SOX6: variants seen among roughly 807,000 people sequenced by gnomAD.
SOX6 encodes transcription factor SOX-6.
A neutral mutation model predicts 97.8 loss-of-function variants in SOX6; 11 were observed. The observed-to-expected ratio is 0.11, with a 90% CI of 0.07 to 0.19. The LOEUF (loss-of-function observed/expected upper bound fraction) is 0.19. Among genes scored for constraint, SOX6 ranks in the 10% least tolerant of loss-of-function variants. The pLI, the probability that SOX6 is intolerant of heterozygous loss-of-function variation, is 1.00. For missense variants in SOX6, 810 were observed against 1,039.5 expected, an observed-to-expected ratio of 0.78 and a Z score of 3.04; for synonymous variants, 360 against 371.4, an observed-to-expected ratio of 0.97 and a Z score of 0.35.
At chr11:16,369,267 T>A (rs1161770207) in intron 1 of SOX6, among the ~76,000 whole-genome samples, 1 of 152,126 alleles carries the variant, frequency 6.6e-6, no homozygotes, top group East Asian at 1.9e-4. Context: ...TTCAAGTAAT[T>A]CCTCAAATGT....
intron 4 of SOX6, among the ~76,000 whole-genome samples, chr11:16,521,938 T>A (rs1861072044): frequency 6.6e-6 from 1 of 151,884 alleles, no homozygotes; most frequent in Non-Finnish European, 1.5e-5. Context: ...AAAAAAAGAA[T>A]AAGAACAAAT....
intron 12 of SOX6, among the ~76,000 whole-genome samples, chr11:16,017,357 TTG>T (rs1452145718): frequency 6.6e-6 from 1 of 152,072 alleles, no homozygotes; most frequent in Non-Finnish European, 1.5e-5. Flanking sequence ...CATGAAACAC[TTG>T]TTAAATAGGA....
At chr11:16,430,685 G>C (rs541419946) in intron 1 of SOX6, among the ~76,000 whole-genome samples, 6 of 152,118 alleles carry the variant, frequency 3.9e-5, no homozygotes, top group South Asian at 2.1e-4. Flanking sequence ...CCAGCCTCCA[G>C]AACTGTGAAA....
intron 3 of SOX6, among the ~76,000 whole-genome samples, chr11:16,660,448 T>C (rs1360217394): frequency 6.6e-6 from 1 of 152,234 alleles, no homozygotes; most frequent in East Asian, 1.9e-4. Context: ...TACTGTGGTC[T>C]GAGAGCATGT....
rs146352659 is a variant in SOX6, at chr11:16,549,136, G to A, written n.609+62945C>T. 1.8e-3 allele frequency among the ~76,000 whole-genome samples: 280 copies of A among 152,216 alleles called. 1 individual carries two copies. Among genetic ancestry groups the A allele is most frequent in the African/African-American group, 5.0e-3 (209 of 41,540 alleles). ...GAAAAGCACATTTAAAACTTAATGA[G>A]ATACAGTACTAATAGAAGTCTACCA... On this transcript the variant is annotated intron_variant and non_coding_transcript_variant, in intron 4 of 5. Coordinates refer to the SOX6 transcript ENST00000524520.
rs1024828112 is a variant in SOX6 at position 16,613,660 on chromosome 11, C to T, written n.430-1400G>A. 6.6e-6 allele frequency among the ~76,000 whole-genome samples: 1 copy of T among 152,160 alleles called. No homozygotes were observed. The highest frequency in any genetic ancestry group is 1.5e-5 in the Non-Finnish European group (1 of 68,022). On this transcript the variant is annotated intron_variant and non_coding_transcript_variant, in intron 3 of 5. Coordinates refer to the SOX6 transcript ENST00000524520. The surrounding 1 kb of genome is among the most constrained non-coding windows in gnomAD (Gnocchi z 4.6). ...ACACGCACGCACACACACAGACACG[C>T]GCGTATTCTGAAATTCTGGCCGAAC...
At chr11:16,437,190 C>T (rs1028297789) in intron 1 of SOX6, among the ~76,000 whole-genome samples, 8 of 151,784 alleles carry the variant, frequency 5.3e-5, no homozygotes, top group Non-Finnish European at 1.0e-4. Context: ...GGTGGACTGA[C>T]CCCAAGAGCT....
intron 9 of SOX6, among the ~76,000 whole-genome samples, chr11:16,057,292 T>C (rs1322633334): frequency 6.6e-6 from 1 of 152,224 alleles, no homozygotes; most frequent in Non-Finnish European, 1.5e-5. Flanking sequence ...TACTGTTTTA[T>C]ATTATTTTAT....
intron 4 of SOX6, among the ~76,000 whole-genome samples, chr11:16,554,196 T>C (rs1847725987): frequency 6.6e-6 from 1 of 152,182 alleles, no homozygotes; most frequent in Non-Finnish European, 1.5e-5. Context: ...TGAGTCACTG[T>C]GAACTAATAA....
rs1363615794 is a variant in SOX6, at chr11:15,969,294, A to G, written c.*3515T>C. 2.0e-5 allele frequency: 3 copies of G among 152,178 alleles called. No individual in the cohort carries two copies. Among genetic ancestry groups the G allele is most frequent in the African/African-American group, 4.8e-5 (2 of 41,448 alleles). 9.4% of individuals were successfully genotyped at this position (152,178 alleles called of 1,614,324 possible). Reference sequence around the variant, plus strand: ...GACGTTTATTAACGGCCGATCTCAGAGGTGGATTTTTGCCTTTGTAGTGGC... The same window carrying G: ...GACGTTTATTAACGGCCGATCTCAGGGGTGGATTTTTGCCTTTGTAGTGGC... On this transcript the variant is annotated 3_prime_UTR_variant, in exon 16 of 16. Coordinates refer to ENST00000683767, the MANE Select transcript of SOX6 (RefSeq NM_001367873.1).
In SOX6 at chr11:16,293,681, T is replaced by C. The variant is rs80046463; in HGVS notation, c.445+24765A>G. Among the ~76,000 whole-genome samples, 1,164 of 152,168 alleles carry C rather than the reference T, an allele frequency of 7.6e-3. 14 individuals carry two copies. The highest frequency in any genetic ancestry group is 0.027 in the African/African-American group (1,109 of 41,518). On this transcript the variant is annotated intron_variant, in intron 3 of 15. Coordinates refer to ENST00000683767, the MANE Select transcript of SOX6 (RefSeq NM_001367873.1). Reference sequence around the variant, plus strand: ...AGAATTGTATTACAAAAGAAAAGAATAGAGATGTGACTTTTACAGGTCTAA... The same window carrying C: ...AGAATTGTATTACAAAAGAAAAGAACAGAGATGTGACTTTTACAGGTCTAA...
intron 1 of SOX6, among the ~76,000 whole-genome samples, chr11:16,349,552 G>A (rs1856857073): frequency 6.6e-6 from 1 of 151,946 alleles, no homozygotes; most frequent in African/African-American, 2.4e-5. Context: ...GGAGGTGGAG[G>A]TTGCAGTGAG....
At chr11:16,561,260 T>TCA (rs1357379102) in intron 4 of SOX6, among the ~76,000 whole-genome samples, 2 of 152,182 alleles carry the variant, frequency 1.3e-5, no homozygotes, top group East Asian at 3.9e-4. Flanking sequence ...ACCCTCCTGA[T>TCA]GGAGGGTAGA....
intron 4 of SOX6, chr11:16,484,633 C>G: frequency 1.5e-6 from 1 of 656,814 alleles, no homozygotes; most frequent in South Asian, 1.6e-5. Flanking sequence ...CCAGGATGGA[C>G]ATCCTGGCAC....
chr11:16,221,165 T>C (rs1036289044), intron 4 of SOX6, among the ~76,000 whole-genome samples: 3 of 152,102 alleles, frequency 2.0e-5, no homozygotes, highest in African/African-American at 7.2e-5. Flanking sequence ...TGCTAAGACA[T>C]TATTTGCATG....
At chr11:16,340,008 A>C (rs966736629) in intron 2 of SOX6, among the ~76,000 whole-genome samples, 1 of 152,066 alleles carries the variant, frequency 6.6e-6, no homozygotes, top group Non-Finnish European at 1.5e-5. Context: ...CTTCTCACCT[A>C]CTGTTTCAGA....
intron 3 of SOX6, among the ~76,000 whole-genome samples, chr11:16,243,871 C>G: frequency 6.6e-6 from 1 of 151,862 alleles, no homozygotes; most frequent in East Asian, 1.9e-4. Context: ...TTATTAATTT[C>G]CATTTTATGA....
intron 2 of SOX6, among the ~76,000 whole-genome samples, chr11:16,327,890 C>T (rs1420767986): frequency 6.6e-6 from 1 of 152,082 alleles, no homozygotes; most frequent in Non-Finnish European, 1.5e-5. Context: ...AATCAACTTC[C>T]CTACCGGCTG....
At chr11:16,290,044 G>A (rs1854865597) in intron 3 of SOX6, among the ~76,000 whole-genome samples, 1 of 151,926 alleles carries the variant, frequency 6.6e-6, no homozygotes, top group African/African-American at 2.4e-5. Flanking sequence ...TGATTTCCAT[G>A]TTTCCATTTC....
Sources: gnomAD v4.1 joint callset for allele counts (sites outside exome capture counted in the v4.1 genomes callset) on GRCh38, gnomAD v4.1.1 for gene constraint, Gnocchi (gnomAD v3.1) non-coding constraint, MANE v1.5 for transcripts, NCBI Gene and HGNC (gene_info 2026-07-23, HGNC 2026-07-21) for gene names.